Variants in MKLN1 observed in about 807,000 individuals in gnomAD.
The protein encoded by MKLN1 is muskelin 1, also known as muskelin.
MKLN1 carries 18 observed loss-of-function variants against 99.0 expected under a neutral mutation model. The observed-to-expected ratio is 0.18, with a 90% confidence interval of 0.13 to 0.27. MKLN1 has a LOEUF of 0.27. Among genes scored for constraint, MKLN1 ranks in the 10% least tolerant of loss-of-function variants. MKLN1 has a pLI of 1.00. For missense variants in MKLN1, 621 were observed against 875.9 expected, an observed-to-expected ratio of 0.71 and a Z score of 3.67; for synonymous variants, 288 against 293.2, an observed-to-expected ratio of 0.98 and a Z score of 0.18.
chr7:131,361,192 T>C (rs991322345), intron 1 of MKLN1, among the ~76,000 whole-genome samples: 1 of 152,074 alleles, frequency 6.6e-6, no homozygotes, highest in Non-Finnish European at 1.5e-5. Flanking sequence ...ATCATTAATT[T>C]TGGAAAATTC....
chr7:131,295,748 G>C (rs1231365217), intron 3 of MKLN1, among the ~76,000 whole-genome samples: 2 of 151,932 alleles, frequency 1.3e-5, no homozygotes, highest in Non-Finnish European at 1.5e-5. Context: ...AACTGGACAT[G>C]GTGTTACTTG....
chr7:131,154,879 C>A (rs1795941498), intron 2 of MKLN1, among the ~76,000 whole-genome samples: 1 of 152,052 alleles, frequency 6.6e-6, no homozygotes. Context: ...TGTTTAAACT[C>A]TTGATTAGTT....
intron 3 of MKLN1, chr7:131,310,141 G>A (rs567277158): frequency 6.6e-6 from 1 of 152,322 alleles, no homozygotes; most frequent in South Asian, 2.1e-4. Flanking sequence ...TAGGATATGG[G>A]TTATAATGTC....
intron 1 of MKLN1, among the ~76,000 whole-genome samples, chr7:131,120,108 TTGCAA>T (rs1795339366): frequency 6.9e-6 from 1 of 144,212 alleles, no homozygotes; most frequent in African/African-American, 2.6e-5. Context: ...GAGGCGGAGC[TTGCAA>T]TGAGCTGAGA....
At chr7:131,364,305 C>T (rs1320084388) in intron 1 of MKLN1, among the ~76,000 whole-genome samples, 1 of 152,050 alleles carries the variant, frequency 6.6e-6, no homozygotes, top group Non-Finnish European at 1.5e-5. Flanking sequence ...CCCCTTCCCA[C>T]ACATTTGTAG....
intron 2 of MKLN1, among the ~76,000 whole-genome samples, chr7:131,161,975 A>G (rs1358667729): frequency 4.4e-4 from 21 of 48,120 alleles, no homozygotes; most frequent in South Asian, 2.5e-3. Context: ...ATATATATAT[A>G]TATATATATA....
intron 3 of MKLN1, among the ~76,000 whole-genome samples, chr7:131,217,223 C>T (rs937588650): frequency 1.3e-5 from 2 of 152,102 alleles, no homozygotes; most frequent in Non-Finnish European, 2.9e-5. Context: ...CAGCCAGCTG[C>T]AACAGTAGTG....
chr7:131,376,989 T>C (rs1474345458), intron 2 of MKLN1, among the ~76,000 whole-genome samples: 1 of 152,228 alleles, frequency 6.6e-6, no homozygotes, highest in Non-Finnish European at 1.5e-5. Context: ...AATATCGTTA[T>C]ATGTAATTGT....
chr7:131,217,398 T>A (rs1258737830), intron 3 of MKLN1, among the ~76,000 whole-genome samples: 1 of 152,222 alleles, frequency 6.6e-6, no homozygotes, highest in Admixed American at 6.5e-5. Context: ...AAATAAATCA[T>A]CCAAATATGA....
intron 9 of MKLN1, among the ~76,000 whole-genome samples, chr7:131,431,658 C>T (rs891729541): frequency 1.3e-5 from 2 of 152,116 alleles, no homozygotes; most frequent in African/African-American, 4.8e-5. Context: ...AGTCCAGAGT[C>T]AGTTGGTGCA....
chr7:131,173,493 T>C (rs1796246217), intron 2 of MKLN1, among the ~76,000 whole-genome samples: 1 of 152,132 alleles, frequency 6.6e-6, no homozygotes, highest in South Asian at 2.1e-4. Flanking sequence ...CCAAGGTGGG[T>C]AGATCACCTG....
intron 4 of MKLN1, among the ~76,000 whole-genome samples, chr7:131,394,286 T>G (rs1395357554): frequency 6.6e-6 from 1 of 152,108 alleles, no homozygotes; most frequent in Non-Finnish European, 1.5e-5. Context: ...GCTTCCTTTA[T>G]ATCAGTGGTC....
At chr7:131,371,046 C>A (rs1793434202) in intron 1 of MKLN1, among the ~76,000 whole-genome samples, 1 of 152,032 alleles carries the variant, frequency 6.6e-6, no homozygotes, top group Non-Finnish European at 1.5e-5. Context: ...TTAGTATGAG[C>A]TTTAAGTTAC....
At chr7:131,121,842 T>C (rs1795377631) in intron 1 of MKLN1, among the ~76,000 whole-genome samples, 1 of 151,916 alleles carries the variant, frequency 6.6e-6, no homozygotes, top group Non-Finnish European at 1.5e-5. Flanking sequence ...GAAGATTGCC[T>C]AGGAGGGTAG....
intron 2 of MKLN1, among the ~76,000 whole-genome samples, chr7:131,194,500 G>T (rs556282058): frequency 6.6e-6 from 1 of 152,328 alleles, no homozygotes; most frequent in East Asian, 1.9e-4. Context: ...ATCATTATTA[G>T]ATAGACAAGA....
At chr7:131,164,822 T>G (rs548742495) in intron 2 of MKLN1, among the ~76,000 whole-genome samples, 2 of 152,236 alleles carry the variant, frequency 1.3e-5, no homozygotes. Flanking sequence ...ATTCTAGTTC[T>G]GTTGCAAGAA....
intron 3 of MKLN1, among the ~76,000 whole-genome samples, chr7:131,236,926 G>A (rs112797506): frequency 0.03 from 4,571 of 152,204 alleles, 204 homozygotes; most frequent in African/African-American, 0.1. Flanking sequence ...GTTCAAGGCT[G>A]CAGTGAGCTA....
chr7:131,386,179 A>G (rs1794015840), intron 2 of MKLN1, among the ~76,000 whole-genome samples: 1 of 151,874 alleles, frequency 6.6e-6, no homozygotes, highest in African/African-American at 2.4e-5. Flanking sequence ...ATGCCTGGCT[A>G]ATTTTTGTAT....
intron 2 of MKLN1, among the ~76,000 whole-genome samples, chr7:131,194,952 G>A (rs1796619744): frequency 1.3e-5 from 2 of 152,172 alleles, no homozygotes; most frequent in South Asian, 4.1e-4. Flanking sequence ...TTCTCCCTTT[G>A]TAGAGCTCTT....
Sources: allele counts gnomAD v4.1 joint callset (sites outside exome capture counted in the v4.1 genomes callset), GRCh38; gene constraint gnomAD v4.1.1; transcripts MANE v1.5; gene names NCBI Gene and HGNC (gene_info 2026-07-23, HGNC 2026-07-21).